RALYL: variants seen among roughly 807,000 people sequenced by gnomAD.
The protein encoded by RALYL is RALY RNA binding protein like.
RALYL carries 29 observed loss-of-function variants against 35.1 expected under a neutral mutation model. The ratio of observed to expected loss-of-function variants is 0.83; its 90% CI spans 0.61 to 1.13. RALYL has a LOEUF of 1.13. RALYL is among the 50% of genes most tolerant of loss of function. The pLI is 0.00. For missense variants in RALYL, 359 were observed against 360.4 expected, an observed-to-expected ratio of 1.00 and a Z score of 0.03; for synonymous variants, 120 against 127.6, an observed-to-expected ratio of 0.94 and a Z score of 0.40.
At chr8:84,336,845 G>A (rs986784038) in intron 1 of RALYL, among the ~76,000 whole-genome samples, 2 of 151,956 alleles carry the variant, frequency 1.3e-5, no homozygotes, top group African/African-American at 4.8e-5. Flanking sequence ...GATGCGCAAT[G>A]TAGTGGAGCA....
At chr8:84,442,478 G>A (rs2048433694) in intron 1 of RALYL, among the ~76,000 whole-genome samples, 1 of 151,942 alleles carries the variant, frequency 6.6e-6, no homozygotes, top group Middle Eastern at 3.2e-3. Flanking sequence ...TACATGGGAG[G>A]AACTATGAAA....
intron 6 of RALYL, chr8:84,865,036 A>G: frequency 5.7e-6 from 1 of 176,968 alleles, no homozygotes; most frequent in Non-Finnish European, 1.2e-5. Flanking sequence ...AAAATTTATA[A>G]TTCACTGGCA....
chr8:84,260,349 G>A (rs1586610882), intron 1 of RALYL, among the ~76,000 whole-genome samples: 1 of 152,236 alleles, frequency 6.6e-6, no homozygotes, highest in East Asian at 1.9e-4. Context: ...CCAGGAACAA[G>A]ACCACTTAGA....
chr8:84,840,564 C>T (rs1833035352), intron 4 of RALYL, among the ~76,000 whole-genome samples: 1 of 152,224 alleles, frequency 6.6e-6, no homozygotes, highest in South Asian at 2.1e-4. Flanking sequence ...TCCAGGAGAA[C>T]TTCCCCAATC....
intron 1 of RALYL, among the ~76,000 whole-genome samples, chr8:84,428,665 C>T (rs2046809219): frequency 6.6e-6 from 1 of 152,076 alleles, no homozygotes; most frequent in Admixed American, 6.6e-5. Flanking sequence ...TTTATTTGCT[C>T]ACACACATAT....
chr8:84,790,194 A>G (rs1820450811), intron 3 of RALYL, among the ~76,000 whole-genome samples: 1 of 152,212 alleles, frequency 6.6e-6, no homozygotes, highest in African/African-American at 2.4e-5. Flanking sequence ...AAAGCAGGGC[A>G]AGCTAGTCAG....
intron 4 of RALYL, among the ~76,000 whole-genome samples, chr8:84,822,600 C>A (rs371374501): frequency 2.0e-5 from 3 of 152,082 alleles, no homozygotes; most frequent in African/African-American, 7.2e-5. Context: ...ATTGAGCTTT[C>A]CTTCCATATT....
chr8:84,679,038 G>T (rs1406890001), intron 2 of RALYL: 2 of 345,270 alleles, frequency 5.8e-6, no homozygotes, highest in Non-Finnish European at 5.9e-6. Flanking sequence ...TCTGGGATTT[G>T]GCTGCAAATA....
chr8:84,639,242 G>GA (rs1441925499), intron 2 of RALYL, among the ~76,000 whole-genome samples: 3 of 151,664 alleles, frequency 2.0e-5, no homozygotes, highest in Non-Finnish European at 2.9e-5. Context: ...TAGAGAAAAA[G>GA]AAAAAACATA....
At chr8:84,510,926 T>C (rs1464856489) in intron 1 of RALYL, among the ~76,000 whole-genome samples, 1 of 152,344 alleles carries the variant, frequency 6.6e-6, no homozygotes, top group East Asian at 1.9e-4. Flanking sequence ...CTCACTCACC[T>C]ATCATTTTTA....
At chr8:84,542,377 C>A (rs711058) in intron 2 of RALYL, among the ~76,000 whole-genome samples, 141,153 of 152,190 alleles carry the variant, frequency 0.93, 65,596 homozygotes, top group East Asian at 1. Flanking sequence ...TAAATACATA[C>A]ATTATAATTT....
At chr8:84,812,060 G>T (rs901932418) in intron 4 of RALYL, among the ~76,000 whole-genome samples, 1 of 151,988 alleles carries the variant, frequency 6.6e-6, no homozygotes, top group Admixed American at 6.6e-5. Context: ...GATTTTTGGG[G>T]GTGTTTAAGA....
chr8:84,580,351 G>C (rs1052226828), intron 2 of RALYL, among the ~76,000 whole-genome samples: 4 of 152,164 alleles, frequency 2.6e-5, no homozygotes, highest in Non-Finnish European at 2.9e-5. Flanking sequence ...AGTTCAGCAG[G>C]CTGTATAAGA....
chr8:84,891,098 G>A (rs1816336969), intron 8 of RALYL, among the ~76,000 whole-genome samples: 1 of 152,172 alleles, frequency 6.6e-6, no homozygotes, highest in Non-Finnish European at 1.5e-5. Flanking sequence ...TTCTATGGGA[G>A]GGAGTGATAG....
At chr8:84,471,412 A>T (rs2052729417) in intron 1 of RALYL, among the ~76,000 whole-genome samples, 1 of 151,198 alleles carries the variant, frequency 6.6e-6, no homozygotes, top group African/African-American at 2.4e-5. Flanking sequence ...GCAAGACCAC[A>T]TCTGTACACA....
chr8:84,442,524 C>G (rs1367075508), intron 1 of RALYL, among the ~76,000 whole-genome samples: 2 of 152,032 alleles, frequency 1.3e-5, no homozygotes, highest in Non-Finnish European at 2.9e-5. Flanking sequence ...AGACCTAGTT[C>G]CTAACTTCAA....
chr8:84,713,211 A>T (rs534435381), intron 2 of RALYL, among the ~76,000 whole-genome samples: 3 of 152,054 alleles, frequency 2.0e-5, no homozygotes, highest in African/African-American at 7.2e-5. Context: ...TGAAGAGACT[A>T]TACTTTCCCT....
chr8:84,210,867 T>C (rs1287829157), intron 1 of RALYL, among the ~76,000 whole-genome samples: 1 of 141,532 alleles, frequency 7.1e-6, no homozygotes, highest in African/African-American at 2.7e-5. Flanking sequence ...TAGCTAGCTC[T>C]GTGTACCTAG....
chr8:84,754,525 C>T (rs1429504305), intron 2 of RALYL, among the ~76,000 whole-genome samples: 2 of 152,174 alleles, frequency 1.3e-5, no homozygotes, highest in Non-Finnish European at 1.5e-5. Context: ...AGTATAAATG[C>T]AATGGTGGAA....
Sources: allele counts gnomAD v4.1 joint callset (sites outside exome capture counted in the v4.1 genomes callset), GRCh38; gene constraint gnomAD v4.1.1; transcripts MANE v1.5; gene names NCBI Gene and HGNC (gene_info 2026-07-23, HGNC 2026-07-21).